MTA3: variants seen among roughly 807,000 people sequenced by gnomAD.
MTA3 encodes metastasis-associated protein MTA3.
A neutral mutation model predicts 83.5 loss-of-function variants in MTA3; 34 were observed. That is an observed-to-expected ratio of 0.41 (90% CI 0.31 to 0.54). MTA3 has a LOEUF of 0.54. Among genes scored for constraint, MTA3 ranks in the 20% least tolerant of loss-of-function variants. The pLI, the probability that MTA3 is intolerant of heterozygous loss-of-function variation, is 0.33. For missense variants in MTA3, 761 were observed against 726.4 expected (o/e 1.05, Z -0.55); for synonymous variants, 303 against 252.7 (o/e 1.20, Z -1.89).
At chr2:42,552,054 C>T (rs1221169662) in intron 2 of MTA3, among the ~76,000 whole-genome samples, 2 of 151,866 alleles carry the variant, frequency 1.3e-5, no homozygotes, top group Non-Finnish European at 2.9e-5. Flanking sequence ...GATGAGGTCT[C>T]CCTATATTGC....
At chr2:42,663,490 C>G (rs1308171447) in intron 8 of MTA3, among the ~76,000 whole-genome samples, 1 of 152,204 alleles carries the variant, frequency 6.6e-6, no homozygotes, top group South Asian at 2.1e-4. Context: ...GCCAAGTACA[C>G]TGGCTTATGC....
At chr2:42,536,151 C>A (rs368273333) in intron 2 of MTA3, among the ~76,000 whole-genome samples, 1 of 148,994 alleles carries the variant, frequency 6.7e-6, no homozygotes, top group Non-Finnish European at 1.5e-5. Context: ...GCATTTACCC[C>A]ACAACGGTCT....
intron 6 of MTA3, among the ~76,000 whole-genome samples, chr2:42,652,786 T>A (rs1282388852): frequency 6.6e-6 from 1 of 152,232 alleles, no homozygotes; most frequent in Non-Finnish European, 1.5e-5. Context: ...TTATAGTAAC[T>A]TGTTATTCTT....
At chr2:42,724,819 C>T (rs571371232) in intron 16 of MTA3, among the ~76,000 whole-genome samples, 11 of 152,282 alleles carry the variant, frequency 7.2e-5, no homozygotes, top group Middle Eastern at 6.8e-3. Flanking sequence ...TTTAAAATGT[C>T]ACCTTGTAGT....
intron 8 of MTA3, chr2:42,680,215 C>G (rs1691745029): frequency 6.6e-6 from 1 of 152,500 alleles, no homozygotes; most frequent in African/African-American, 2.4e-5. Flanking sequence ...TGGTTCTTTT[C>G]TAAGGCTACC....
chr2:42,625,817 A>G (rs1686020990), intron 4 of MTA3, among the ~76,000 whole-genome samples: 1 of 150,584 alleles, frequency 6.6e-6, no homozygotes, highest in Non-Finnish European at 1.5e-5. Context: ...TAAATCTATT[A>G]TCTGCATGCA....
chr2:42,532,831 C>A, intron 2 of MTA3: 2 of 407,726 alleles, frequency 4.9e-6, no homozygotes, highest in Non-Finnish European at 4.9e-6. Context: ...TCACAGTGTG[C>A]TTCTCTGGGT....
At chr2:42,547,182 A>G (rs762659446) in intron 2 of MTA3, among the ~76,000 whole-genome samples, 3 of 152,228 alleles carry the variant, frequency 2.0e-5, no homozygotes, top group Non-Finnish European at 2.9e-5. Flanking sequence ...TTAAATGAAC[A>G]ATTCGCCAAT....
At chr2:42,500,105 C>A (rs890219767) in intron 2 of MTA3, among the ~76,000 whole-genome samples, 1 of 151,830 alleles carries the variant, frequency 6.6e-6, no homozygotes, top group African/African-American at 2.4e-5. Context: ...TCTGTCTCTA[C>A]TAAAAATACA....
At chr2:42,685,270 G>A (rs565366151) in intron 9 of MTA3, among the ~76,000 whole-genome samples, 1 of 152,158 alleles carries the variant, frequency 6.6e-6, no homozygotes, top group African/African-American at 2.4e-5. Context: ...TTACAGATTT[G>A]TAGCATGGTA....
At position 42,666,300 on chromosome 2, in the gene MTA3, G is replaced by A. The variant is rs146840064; in HGVS notation, c.702+6438G>A. 8.3e-4 allele frequency among the ~76,000 whole-genome samples: 127 copies of A among 152,120 alleles called. 3 individuals carry two copies. In the East Asian group the frequency reaches 0.01, roughly 13 times the overall value. On this transcript the variant is annotated intron_variant, in intron 8 of 16. Coordinates refer to ENST00000405094, the MANE Select transcript of MTA3 (RefSeq NM_001330442.2). ...TGAAAAAAACAAAACAAAACAAAGC[G>A]TAACTGTTATTTTATTTTGCTACCT...
At chr2:42,560,881 T>C (rs1269358739) in intron 2 of MTA3, among the ~76,000 whole-genome samples, 1 of 152,232 alleles carries the variant, frequency 6.6e-6, no homozygotes, top group Non-Finnish European at 1.5e-5. Context: ...TACTTCAGCC[T>C]GGGTGACAGA....
In MTA3 at chr2:42,570,420, A is replaced by T. The variant is rs1341280137; in HGVS notation, c.29-17A>T. On this transcript the variant is annotated splice_polypyrimidine_tract_variant and intron_variant, in intron 1 of 16. Transcript: ENST00000405094. ...TTCTGTTAAAAAGATTAAGTTCTGT[A>T]CTTCCTTTAATTACAGATTATGTCT... 4 of 1,464,022 alleles carry T rather than the reference A, an allele frequency of 2.7e-6. No individual in the cohort carries two copies. In the Admixed American group the frequency reaches 8.4e-5, roughly 31 times the overall value. 90.7% of individuals were successfully genotyped at this position (1,464,022 alleles called of 1,614,324 possible). A position where few individuals can be genotyped will look rare whatever the true frequency, so the allele number is the denominator to read the frequency against.
At chr2:42,594,153 T>C (rs1337357398) in intron 3 of MTA3, among the ~76,000 whole-genome samples, 1 of 151,738 alleles carries the variant, frequency 6.6e-6, no homozygotes, top group Non-Finnish European at 1.5e-5. Flanking sequence ...GATTTCACTA[T>C]GTTGGCCAGG....
intron 3 of MTA3, among the ~76,000 whole-genome samples, chr2:42,589,464 A>G (rs1398866693): frequency 2.0e-5 from 3 of 152,236 alleles, no homozygotes; most frequent in East Asian, 1.9e-4. Flanking sequence ...AGCTAAATAA[A>G]TAACACTGAT....
intron 4 of MTA3, among the ~76,000 whole-genome samples, chr2:42,627,215 CTGCAGG>C (rs1354927546): frequency 6.6e-6 from 1 of 151,838 alleles, no homozygotes; most frequent in African/African-American, 2.4e-5. Context: ...GTAGCTGGGA[CTGCAGG>C]TGCTGGCCAC....
Position 42,525,026 on chromosome 2 carries a change from T to C in MTA3, c.-141+29772T>C, listed in dbSNP as rs1299231501. 7.3e-5 allele frequency among the ~76,000 whole-genome samples: 11 copies of C among 151,586 alleles called. No homozygotes were observed. The East Asian group carries it at 2.1e-3, about 29-fold the overall frequency. The stretch of plus-strand genomic sequence containing the variant: ...ACAACGTGCTGGTTTGTTACATATG[T>C]ATACATGTGCCATGTTGGTGTGCTG... On this transcript the variant is annotated intron_variant, in intron 2 of 17. Coordinates refer to the MTA3 transcript ENST00000405592.
upstream of MTA3, among the ~76,000 whole-genome samples, chr2:42,494,384 C>T (rs1674033602): frequency 6.6e-6 from 1 of 152,182 alleles, no homozygotes; most frequent in African/African-American, 2.4e-5. Context: ...CGGGGACAGA[C>T]GGCGTTTGGA....
intron 8 of MTA3, among the ~76,000 whole-genome samples, chr2:42,667,690 AGTG>A (rs1690409726): frequency 1.3e-5 from 2 of 150,094 alleles, no homozygotes; most frequent in Non-Finnish European, 3.0e-5. Flanking sequence ...CCTGGAATGC[AGTG>A]GCGTGATCAT....
Sources: allele counts gnomAD v4.1 joint callset (sites outside exome capture counted in the v4.1 genomes callset), GRCh38; gene constraint gnomAD v4.1.1; transcripts MANE v1.5; gene names NCBI Gene and HGNC (gene_info 2026-07-23, HGNC 2026-07-21).